Variants in NREP observed in about 807,000 individuals in gnomAD.
NREP encodes neuronal regeneration related protein.
A neutral mutation model predicts 8.6 loss-of-function variants in NREP; 5 were observed. The ratio of observed to expected loss-of-function variants is 0.58; its 90% CI spans 0.30 to 1.22. The LOEUF (loss-of-function observed/expected upper bound fraction) is 1.22, where lower values mean the gene tolerates loss of function less well. Ranked by LOEUF, NREP falls within the 50% of genes most tolerant of loss-of-function variation. The probability of loss-of-function intolerance (pLI) is 0.07; values close to 1 mark genes in which losing one functional copy is unlikely to be tolerated. For synonymous variants in NREP, 27 were observed against 28.0 expected, an observed-to-expected ratio of 0.96 and a Z score of 0.11; for missense variants, 86 against 82.5, an observed-to-expected ratio of 1.04 and a Z score of -0.17.
chr5:111,858,882 A>G (rs746435198), intron 2 of NREP, among the ~76,000 whole-genome samples: 1 of 152,192 alleles, frequency 6.6e-6, no homozygotes, highest in East Asian at 1.9e-4. Flanking sequence ...AAACATTTCT[A>G]TGGTTTAGTA....
At chr5:111,795,662 G>C (rs895630574) in intron 2 of NREP, among the ~76,000 whole-genome samples, 1 of 152,086 alleles carries the variant, frequency 6.6e-6, no homozygotes, top group South Asian at 2.1e-4. Flanking sequence ...TTTTGTTTAA[G>C]AACCTATTCA....
chr5:111,817,393 C>T (rs1463182832), intron 2 of NREP, among the ~76,000 whole-genome samples: 1 of 152,146 alleles, frequency 6.6e-6, no homozygotes, highest in African/African-American at 2.4e-5. Context: ...AATTTTGATG[C>T]ATGCTGTAAG....
At chr5:111,965,708 C>A (rs540896477) in intron 2 of NREP, among the ~76,000 whole-genome samples, 1 of 152,238 alleles carries the variant, frequency 6.6e-6, no homozygotes, top group South Asian at 2.1e-4. Context: ...AACCACAATA[C>A]AGTCATGATA....
At chr5:111,927,226 A>G (rs1365491731) in intron 2 of NREP, among the ~76,000 whole-genome samples, 2 of 152,106 alleles carry the variant, frequency 1.3e-5, no homozygotes, top group Non-Finnish European at 2.9e-5. Flanking sequence ...CTACTCTAAC[A>G]CAATAGCTAT....
rs967559893 is a variant in NREP at position 111,845,522 on chromosome 5, A to T, written c.136-110015T>A. On this transcript the variant is annotated intron_variant, in intron 2 of 3. Coordinates refer to the NREP transcript ENST00000395634. ...TTCACACACAGACATTTCAATTTGT[A>T]CACAATTATTAACAGACATACCCAA... 5.3e-4 allele frequency among the ~76,000 whole-genome samples: 81 copies of T among 152,312 alleles called. 1 individual carries two copies. Among genetic ancestry groups the T allele is most frequent in the African/African-American group, 1.9e-3 (79 of 41,576 alleles).
intron 2 of NREP, among the ~76,000 whole-genome samples, chr5:111,814,768 T>C (rs1383787204): frequency 2.0e-5 from 3 of 151,904 alleles, no homozygotes; most frequent in Non-Finnish European, 2.9e-5. Flanking sequence ...ATATGCAAAA[T>C]ATTAGAAGAA....
intron 2 of NREP, among the ~76,000 whole-genome samples, chr5:111,971,436 A>G (rs774974257): frequency 6.6e-6 from 1 of 152,206 alleles, no homozygotes; most frequent in Non-Finnish European, 1.5e-5. Context: ...AAAAAACACC[A>G]TGAAGCTGGA....
intron 2 of NREP, among the ~76,000 whole-genome samples, chr5:111,826,927 GTACAT>G (rs112332478): frequency 3.0e-4 from 46 of 152,268 alleles, no homozygotes; most frequent in African/African-American, 9.9e-4. Context: ...CACATGTAAT[GTACAT>G]TACAATAGCC....
intron 2 of NREP, among the ~76,000 whole-genome samples, chr5:111,881,586 G>C (rs1309749851): frequency 6.6e-6 from 1 of 152,168 alleles, no homozygotes; most frequent in Admixed American, 6.5e-5. Context: ...CCCCCCAGTA[G>C]GGGCAGACTG....
At chr5:111,895,114 G>A (rs1483971762) in intron 2 of NREP, among the ~76,000 whole-genome samples, 1 of 152,146 alleles carries the variant, frequency 6.6e-6, no homozygotes, top group Non-Finnish European at 1.5e-5. Flanking sequence ...ATTTGATAGA[G>A]GCTAAAAAAC....
At chr5:111,929,611 G>C (rs899458385) in intron 2 of NREP, among the ~76,000 whole-genome samples, 3 of 152,198 alleles carry the variant, frequency 2.0e-5, no homozygotes, top group African/African-American at 7.2e-5. Context: ...ATATGTACAT[G>C]ATTGATGCAG....
chr5:111,799,015 T>C (rs746879382), intron 2 of NREP, among the ~76,000 whole-genome samples: 3 of 152,202 alleles, frequency 2.0e-5, no homozygotes, highest in Non-Finnish European at 4.4e-5. Flanking sequence ...TTTTCCATAG[T>C]TGTTGTACTA....
chr5:111,864,284 A>T (rs1753616816), intron 2 of NREP, among the ~76,000 whole-genome samples: 1 of 152,184 alleles, frequency 6.6e-6, no homozygotes, highest in Non-Finnish European at 1.5e-5. Flanking sequence ...AAAGATGGAA[A>T]TACTTTTAAT....
At chr5:111,740,721 C>A (rs1561637313) in intron 2 of NREP, among the ~76,000 whole-genome samples, 1 of 152,132 alleles carries the variant, frequency 6.6e-6, no homozygotes, top group East Asian at 1.9e-4. Flanking sequence ...TTAAGCTTTT[C>A]ATTTCAAAAT....
At chr5:111,877,470 G>T (rs1753937866) in intron 2 of NREP, among the ~76,000 whole-genome samples, 1 of 152,180 alleles carries the variant, frequency 6.6e-6, no homozygotes, top group Non-Finnish European at 1.5e-5. Flanking sequence ...ATAGAGATTT[G>T]CTTGCTGTTT....
chr5:111,881,381 G>T (rs1015866193), intron 2 of NREP, among the ~76,000 whole-genome samples: 39 of 152,328 alleles, frequency 2.6e-4, no homozygotes, highest in African/African-American at 8.9e-4. Flanking sequence ...GCCTCTGTAG[G>T]CTTCACCTCT....
intron 2 of NREP, among the ~76,000 whole-genome samples, chr5:111,899,781 T>C (rs1754599399): frequency 6.6e-6 from 1 of 152,122 alleles, no homozygotes; most frequent in African/African-American, 2.4e-5. Context: ...CCAAAATATA[T>C]ATGCACCCAA....
intron 2 of NREP, among the ~76,000 whole-genome samples, chr5:111,883,914 C>G (rs1270731084): frequency 6.6e-6 from 1 of 152,042 alleles, no homozygotes; most frequent in African/African-American, 2.4e-5. Flanking sequence ...ATTAAAAGAA[C>G]TAGAAAAGCA....
intron 2 of NREP, among the ~76,000 whole-genome samples, chr5:111,775,103 C>G (rs2112876849): frequency 6.6e-6 from 1 of 152,254 alleles, no homozygotes; most frequent in East Asian, 1.9e-4. Flanking sequence ...GTTGCTCAGG[C>G]TGGCTTCTAA....
Sources: gnomAD v4.1 joint callset for allele counts (sites outside exome capture counted in the v4.1 genomes callset) on GRCh38, gnomAD v4.1.1 for gene constraint, MANE v1.5 for transcripts, NCBI Gene and HGNC (gene_info 2026-07-23, HGNC 2026-07-21) for gene names.